PCDHGB6: variants seen among roughly 807,000 people sequenced by gnomAD.
PCDHGB6 encodes the protein protocadherin gamma-B6.
Under a neutral mutation model 59.1 loss-of-function variants are expected in PCDHGB6, and 51 were observed. That is an observed-to-expected ratio of 0.86 (90% confidence interval 0.69 to 1.09). The LOEUF is 1.09. Ranked by LOEUF, PCDHGB6 falls within the 50% of genes least tolerant of loss-of-function variation. The pLI, the probability that PCDHGB6 is intolerant of heterozygous loss-of-function variation, is 0.00. For missense variants in PCDHGB6, 1,148 were observed against 1,205.1 expected, an observed-to-expected ratio of 0.95 and a Z score of 0.70; for synonymous variants, 466 against 495.1, an observed-to-expected ratio of 0.94 and a Z score of 0.78.
At chr5:141,457,881 G>T (rs2098931594) in intron 1 of PCDHGB6, among the ~76,000 whole-genome samples, 2 of 152,230 alleles carry the variant, frequency 1.3e-5, no homozygotes, top group African/African-American at 4.8e-5. Context: ...TAGGAACCCT[G>T]TGTGGGGACT....
intron 1 of PCDHGB6, among the ~76,000 whole-genome samples, chr5:141,456,946 G>A (rs182320066): frequency 2.3e-4 from 35 of 152,284 alleles, no homozygotes; most frequent in Admixed American, 2.3e-3. Context: ...CTGGGCAACA[G>A]AGCAAAACTC....
chr5:141,473,988 G>A (rs1006988447), intron 1 of PCDHGB6, among the ~76,000 whole-genome samples: 1 of 152,118 alleles, frequency 6.6e-6, no homozygotes, highest in African/African-American at 2.4e-5. Flanking sequence ...AGGATCCCTT[G>A]AGCCCAAGGA....
chr5:141,489,983 G>T lies in PCDHGB6; in HGVS notation c.2419-4824G>T. ...CCAACCTTCCAATCCTCAGTTCTACGTGTGGGAATCCCAGAGAATGCACCC... is the reference window on the plus strand; with the variant it reads ...CCAACCTTCCAATCCTCAGTTCTACTTGTGGGAATCCCAGAGAATGCACCC... On this transcript the variant is annotated intron_variant, in intron 1 of 3. Coordinates refer to ENST00000520790, the MANE Select transcript of PCDHGB6 (RefSeq NM_018926.3). The surrounding 1 kb of genome is among the most constrained non-coding windows in gnomAD (Gnocchi z 4.5). The T allele has an allele frequency of 6.2e-7, 1 of 1,614,172 alleles. No homozygotes were observed. Among genetic ancestry groups the T allele is most frequent in the Non-Finnish European group, 8.5e-7 (1 of 1,179,996 alleles).
At chr5:141,426,933 G>A (rs1294433096) in intron 1 of PCDHGB6, 1 of 456,660 alleles carries the variant, frequency 2.2e-6, no homozygotes, top group Non-Finnish European at 4.4e-6. Context: ...GGACATGGGT[G>A]ACCCAGTCCC....
At chr5:141,418,369 C>G (rs763319499) in intron 1 of PCDHGB6, 62 of 1,613,842 alleles carry the variant, frequency 3.8e-5, no homozygotes, top group Non-Finnish European at 4.8e-5. Context: ...TGAGCAAATA[C>G]CAACTAAGTC....
chr5:141,494,705 G>C, intron 1 of PCDHGB6, 102 bp from the exon 2 acceptor site: 1 of 1,597,990 alleles, frequency 6.3e-7, no homozygotes, highest in Non-Finnish European at 8.6e-7. Flanking sequence ...TTTCTTCTCT[G>C]TGCCCACTCC....
At chr5:141,433,321 G>T in intron 1 of PCDHGB6, 1 of 788,106 alleles carries the variant, frequency 1.3e-6, no homozygotes. Flanking sequence ...TGCCTCCGGT[G>T]TAACAGGGAC....
At chr5:141,443,383 G>A (rs1302172660) in intron 1 of PCDHGB6, among the ~76,000 whole-genome samples, 1 of 152,130 alleles carries the variant, frequency 6.6e-6, no homozygotes, top group Non-Finnish European at 1.5e-5. Flanking sequence ...TACTTGGGAG[G>A]CTGAGGTGTG....
At chr5:141,451,526 G>T (rs896029145) in intron 1 of PCDHGB6, among the ~76,000 whole-genome samples, 1 of 152,168 alleles carries the variant, frequency 6.6e-6, no homozygotes, top group African/African-American at 2.4e-5. Flanking sequence ...GCAAGTAAAG[G>T]AGAGTGCCAG....
At chr5:141,433,381 A>ATCTC (rs1561869478) in intron 1 of PCDHGB6, among the ~76,000 whole-genome samples, 1 of 151,148 alleles carries the variant, frequency 6.6e-6, no homozygotes, top group Admixed American at 6.6e-5. Flanking sequence ...CTATCTATCT[A>ATCTC]TCTATCTATC....
At chr5:141,461,794 C>T (rs191966750) in intron 1 of PCDHGB6, among the ~76,000 whole-genome samples, 7 of 152,134 alleles carry the variant, frequency 4.6e-5, no homozygotes, top group African/African-American at 1.7e-4. Flanking sequence ...GCTGGGATTA[C>T]AGGTGCCCAC....
At position 141,418,475 on chromosome 5, in the gene PCDHGB6, A is replaced by G; in HGVS notation, c.2418+7855A>G. On this transcript the variant is annotated intron_variant, in intron 1 of 3. Transcript: ENST00000520790. The stretch of plus-strand genomic sequence containing the variant: ...GAAGACTCTGGACCGAGAAACGCAG[A>G]GCGCTCACCACTTGGTACTGACCGC... 3 of 1,614,000 alleles carry G rather than the reference A, an allele frequency of 1.9e-6. No individual in the cohort carries two copies. Among genetic ancestry groups the G allele is most frequent in the Non-Finnish European group, 2.5e-6 (3 of 1,179,892 alleles).
In PCDHGB6 at chr5:141,409,096, A is replaced by T. The variant is rs968537361; in HGVS notation, c.894A>T (p.Thr298=). ...ATATGTTCTCATTGGATGAGAAAACAGGTATGATTAAGAATAACCAGTCAT... is the reference window on the plus strand; with the variant it reads ...ATATGTTCTCATTGGATGAGAAAACTGGTATGATTAAGAATAACCAGTCAT... The part of the protein sequence containing the change: ...TKHMFSLDEK[T]GMIKNNQSFD... The change falls in exon 1 of 4, where the codon ACA becomes ACT. Residue 298 remains threonine (T), a synonymous_variant. Coordinates refer to ENST00000520790, the MANE Select transcript of PCDHGB6 (RefSeq NM_018926.3). 8 of 1,613,956 alleles carry T rather than the reference A, an allele frequency of 5.0e-6. No homozygotes were observed. Among genetic ancestry groups the T allele is most frequent in the African/African-American group, 1.3e-5 (1 of 74,954 alleles).
At chr5:141,445,169 T>C (rs2098458681) in intron 1 of PCDHGB6, among the ~76,000 whole-genome samples, 3 of 152,320 alleles carry the variant, frequency 2.0e-5, no homozygotes, top group Non-Finnish European at 1.5e-5. Flanking sequence ...TACAGAAAAA[T>C]GAAAAACTAT....
chr5:141,418,945 A>G, intron 1 of PCDHGB6: 3 of 1,614,062 alleles, frequency 1.9e-6, no homozygotes, highest in Non-Finnish European at 2.5e-6. Flanking sequence ...ATTCCCCTCC[A>G]GGAGTGGTTG....
chr5:141,430,805 C>T (rs1445689047), intron 1 of PCDHGB6: 2 of 1,525,722 alleles, frequency 1.3e-6, no homozygotes, highest in Admixed American at 2.3e-5. Flanking sequence ...GCTTGTCCTG[C>T]TGGGAATCCT....
chr5:141,409,027 TGA>T lies in PCDHGB6; in HGVS notation c.828_829del (p.Glu276AspfsTer20). 1.9e-6 allele frequency: 3 copies of T among 1,613,978 alleles called. No individual in the cohort carries two copies. The highest frequency in any genetic ancestry group is 2.5e-6 in the Non-Finnish European group (3 of 1,179,874). ...CTGACCAGGATGAGGGGGTCAATGC[TGA>T]GATAAACTACTACTTCCGAAGCACT... is the stretch of plus-strand genomic sequence containing the variant. The part of the protein sequence containing the change: ...ATDQDEGVNA[E>X]INYYFRSTAQ... On this transcript the variant is annotated frameshift_variant, in exon 1 of 4. Coordinates refer to ENST00000520790, the MANE Select transcript of PCDHGB6 (RefSeq NM_018926.3). LOFTEE classifies it high-confidence loss of function.
chr5:141,444,997 A>G (rs2154560871), intron 1 of PCDHGB6, among the ~76,000 whole-genome samples: 1 of 152,292 alleles, frequency 6.6e-6, no homozygotes, highest in Admixed American at 6.5e-5. Context: ...ATATATTTCC[A>G]TTTAATTAGG....
intron 1 of PCDHGB6, among the ~76,000 whole-genome samples, chr5:141,455,913 T>C (rs2098837234): frequency 7.2e-6 from 1 of 138,032 alleles, no homozygotes; most frequent in African/African-American, 2.7e-5. Context: ...ATTTATTTAT[T>C]TTGAGACGGA....
Sources: gnomAD v4.1 joint callset for allele counts (sites outside exome capture counted in the v4.1 genomes callset) on GRCh38, gnomAD v4.1.1 for gene constraint, Gnocchi (gnomAD v3.1) non-coding constraint, MANE v1.5 for transcripts, NCBI Gene and HGNC (gene_info 2026-07-23, HGNC 2026-07-21) for gene names.